ABL1: variants seen among roughly 807,000 people sequenced by gnomAD.
ABL1 encodes ABL proto-oncogene 1, non-receptor tyrosine kinase, also known as tyrosine-protein kinase ABL1.
A neutral mutation model predicts 94.7 loss-of-function variants in ABL1; 11 were observed. The observed-to-expected ratio is 0.12, with a 90% CI of 0.07 to 0.19. The LOEUF (loss-of-function observed/expected upper bound fraction) is 0.19. Among genes scored for constraint, ABL1 ranks in the 10% least tolerant of loss-of-function variants. ABL1 has a pLI of 1.00. For synonymous variants in ABL1, 656 were observed against 622.4 expected, an observed-to-expected ratio of 1.05 and a Z score of -0.80; for missense variants, 1,082 against 1,489.4, an observed-to-expected ratio of 0.73 and a Z score of 4.50.
chr9:130,882,037 C>A (rs1451162105), intron 10 of ABL1, among the ~76,000 whole-genome samples: 1 of 152,160 alleles, frequency 6.6e-6, no homozygotes, highest in African/African-American at 2.4e-5. Flanking sequence ...TACTTCCCGC[C>A]CCGCTGGGCC....
chr9:130,735,188 T>A (rs909216309), intron 1 of ABL1, among the ~76,000 whole-genome samples: 3 of 151,852 alleles, frequency 2.0e-5, no homozygotes, highest in African/African-American at 7.3e-5. Flanking sequence ...TGCCACCACA[T>A]CTGGCTAATT....
At chr9:130,744,172 G>A (rs886561258) in intron 1 of ABL1, among the ~76,000 whole-genome samples, 4 of 149,650 alleles carry the variant, frequency 2.7e-5, no homozygotes, top group Admixed American at 2.0e-4. Flanking sequence ...AGACGGACTC[G>A]CTCTCTTTCG....
chr9:130,732,052 C>T lies in ABL1; in HGVS notation c.136+17597C>T, dbSNP rs78106644. Among the ~76,000 whole-genome samples, 517 of 151,688 alleles carry T rather than the reference C, an allele frequency of 3.4e-3. 3 individuals are homozygous for T. The highest frequency in any genetic ancestry group is 0.012 in the African/African-American group (495 of 41,298). Reference sequence around the variant, plus strand: ...TTTCCAATTGTATTTTTCTTTGACACTCAGTACTTGTCCCTTGATAGTGGA... The same window carrying T: ...TTTCCAATTGTATTTTTCTTTGACATTCAGTACTTGTCCCTTGATAGTGGA... On this transcript the variant is annotated intron_variant, in intron 1 of 10. Coordinates refer to the ABL1 transcript ENST00000372348.
At chr9:130,859,578 A>AC (rs1831031089) in intron 3 of ABL1, among the ~76,000 whole-genome samples, 1 of 142,272 alleles carries the variant, frequency 7.0e-6, no homozygotes, top group Admixed American at 7.1e-5. Flanking sequence ...CTGAGGTGGG[A>AC]CTCCCGGGCC....
chr9:130,847,658 C>A (rs906864049), intron 1 of ABL1, among the ~76,000 whole-genome samples: 2 of 152,142 alleles, frequency 1.3e-5, no homozygotes, highest in Admixed American at 1.3e-4. Context: ...GTGTCTCGGT[C>A]CAGAGGCATG....
chr9:130,731,910 A>AG (rs1372479793), intron 1 of ABL1, among the ~76,000 whole-genome samples: 9 of 127,138 alleles, frequency 7.1e-5, no homozygotes, highest in Admixed American at 4.6e-4. Flanking sequence ...ATTTCAGGAA[A>AG]CTTTTTTTTT....
At chr9:130,743,407 G>A (rs879361670) in intron 1 of ABL1, among the ~76,000 whole-genome samples, 1 of 152,178 alleles carries the variant, frequency 6.6e-6, no homozygotes, top group Non-Finnish European at 1.5e-5. Flanking sequence ...GGGGGAGGTA[G>A]CCTCTAAGAT....
At chr9:130,798,739 C>G (rs990267212) in intron 1 of ABL1, among the ~76,000 whole-genome samples, 2 of 151,856 alleles carry the variant, frequency 1.3e-5, no homozygotes, top group African/African-American at 4.8e-5. Flanking sequence ...GAGGCTGAGG[C>G]GGGTGGATCA....
chr9:130,845,445 G>A (rs985079226), intron 1 of ABL1, among the ~76,000 whole-genome samples: 5 of 151,860 alleles, frequency 3.3e-5, no homozygotes, highest in South Asian at 4.2e-4. Context: ...GGGTTCAAGC[G>A]AAACCCCTGC....
In ABL1 at chr9:130,798,966, C is replaced by CAAAAAAAAAAAA. The variant is rs71389357; in HGVS notation, c.137-55091_137-55080dup. 9.0e-3 allele frequency among the ~76,000 whole-genome samples: 599 copies of CAAAAAAAAAAAA among 66,622 alleles called. 27 individuals carry two copies. The highest frequency in any genetic ancestry group is 0.013 in the African/African-American group (243 of 18,310). 43.7% of individuals were successfully genotyped at this position (66,622 alleles called of 152,430 possible). A position where few individuals can be genotyped will look rare whatever the true frequency, so the allele number is the denominator to read the frequency against. On this transcript the variant is annotated intron_variant, in intron 1 of 10. Coordinates refer to the ABL1 transcript ENST00000372348. ...AGCCTGGGTGGCAGAGACTCCGTCT[C>CAAAAAAAAAAAA]AAAAAAAAAAAAAAAAAAGAATTGG... is the stretch of plus-strand genomic sequence containing the variant.
chr9:130,860,599 T>G (rs544637349), intron 3 of ABL1, among the ~76,000 whole-genome samples: 4 of 152,188 alleles, frequency 2.6e-5, no homozygotes. Flanking sequence ...ATAATGAGAC[T>G]TGCTCCCAGG....
In ABL1 at chr9:130,735,961, A is replaced by ATATATATATATT. The variant is rs573602038; in HGVS notation, c.136+21507_136+21508insATATATATATTT. On this transcript the variant is annotated intron_variant, in intron 1 of 10. Transcript: ENST00000372348. ...TATATATATATATATATATATATAT[A>ATATATATATATT]TTTTTTTTTTTTAAGACAGGGTCTG... Among the ~76,000 whole-genome samples the ATATATATATATT allele has an allele frequency of 9.5e-5, 9 of 94,846 alleles. No homozygotes were observed. In the East Asian group the frequency reaches 1.2e-3, roughly 13 times the overall value. 62.2% of individuals were successfully genotyped at this position (94,846 alleles called of 152,430 possible).
chr9:130,771,490 T>C lies in ABL1; in HGVS notation c.136+57035T>C, dbSNP rs192258127. 8.5e-5 allele frequency among the ~76,000 whole-genome samples: 13 copies of C among 152,342 alleles called. No homozygotes were observed. In the East Asian group the frequency reaches 1.5e-3, roughly 18 times the overall value. Reference sequence around the variant, plus strand: ...TTTCTTAGGCATTATGACATATTCATGTACATTAACTGATGTTATACTTTT... The same window carrying C: ...TTTCTTAGGCATTATGACATATTCACGTACATTAACTGATGTTATACTTTT... On this transcript the variant is annotated intron_variant, in intron 1 of 10. Transcript: ENST00000372348.
intron 1 of ABL1, among the ~76,000 whole-genome samples, chr9:130,821,794 CTGGGATTACAGGCA>C (rs1830365710): frequency 6.6e-6 from 1 of 150,476 alleles, no homozygotes; most frequent in South Asian, 2.1e-4. Flanking sequence ...TCCCGGGTAG[CTGGGATTACAGGCA>C]TGTGCTACCA....
intron 1 of ABL1, among the ~76,000 whole-genome samples, chr9:130,764,216 C>CAT (rs1832153125): frequency 1.3e-5 from 2 of 152,156 alleles, no homozygotes; most frequent in South Asian, 2.1e-4. Flanking sequence ...TCTTTCTTCT[C>CAT]TAGGAATATA....
intron 1 of ABL1, among the ~76,000 whole-genome samples, chr9:130,844,057 G>A (rs988306976): frequency 1.3e-5 from 2 of 152,116 alleles, no homozygotes; most frequent in African/African-American, 2.4e-5. Flanking sequence ...CATTGCCCCC[G>A]ATGACACTGC....
intron 1 of ABL1, among the ~76,000 whole-genome samples, chr9:130,773,826 CATATAT>C (rs1564286537): frequency 1.3e-5 from 2 of 151,958 alleles, no homozygotes; most frequent in Non-Finnish European, 2.9e-5. Context: ...ATAAACTGCA[CATATAT>C]AAAGTATACA....
At position 130,788,537 on chromosome 9, in the gene ABL1, A is replaced by G. The variant is rs75128710; in HGVS notation, c.137-65527A>G. On this transcript the variant is annotated intron_variant, in intron 1 of 10. Coordinates refer to the ABL1 transcript ENST00000372348. ...TATTTAACCTAAAATCCGTATTCCAATTTCCTCAATTCTCCCAGTAATGTC... is the reference window on the plus strand; with the variant it reads ...TATTTAACCTAAAATCCGTATTCCAGTTTCCTCAATTCTCCCAGTAATGTC... Among the ~76,000 whole-genome samples, 138 of 152,286 alleles carry G rather than the reference A, an allele frequency of 9.1e-4. 2 individuals carry two copies. The East Asian group carries it at 0.018, about 20-fold the overall frequency.
chr9:130,828,210 G>A (rs1445965001), intron 1 of ABL1, among the ~76,000 whole-genome samples: 10 of 152,052 alleles, frequency 6.6e-5, no homozygotes, highest in African/African-American at 9.6e-5. Flanking sequence ...CTACAGGCAC[G>A]CACCACCACA....
Sources: allele counts gnomAD v4.1 joint callset (sites outside exome capture counted in the v4.1 genomes callset), GRCh38; gene constraint gnomAD v4.1.1; transcripts MANE v1.5; gene names NCBI Gene and HGNC (gene_info 2026-07-23, HGNC 2026-07-21).